Variants in ADAM23 observed in about 807,000 individuals in gnomAD.
ADAM23 encodes the protein ADAM metallopeptidase domain 23.
Under a neutral mutation model 120.1 loss-of-function variants are expected in ADAM23, and 33 were observed. The ratio of observed to expected loss-of-function variants is 0.27; its 90% confidence interval spans 0.21 to 0.37. The LOEUF is 0.37. ADAM23 is among the 10% of genes least tolerant of loss of function. The pLI is 1.00. For missense variants in ADAM23, 862 were observed against 1,058.2 expected (o/e 0.81, Z 2.57); for synonymous variants, 367 against 375.2 (o/e 0.98, Z 0.25).
chr2:206,497,351 C>T (rs1401501439), intron 3 of ADAM23, among the ~76,000 whole-genome samples: 16 of 151,922 alleles, frequency 1.1e-4, no homozygotes, highest in African/African-American at 2.9e-4. Context: ...GTTCAACATA[C>T]GAAAATCAAT....
At chr2:206,474,024 AC>A (rs1408839784) in intron 2 of ADAM23, among the ~76,000 whole-genome samples, 6 of 142,998 alleles carry the variant, frequency 4.2e-5, no homozygotes, top group Admixed American at 1.4e-4. Flanking sequence ...AAAAAAAAAA[AC>A]AAAAAAAAAA....
intron 2 of ADAM23, among the ~76,000 whole-genome samples, chr2:206,467,900 T>A (rs993603190): frequency 6.6e-6 from 1 of 152,176 alleles, no homozygotes; most frequent in Middle Eastern, 3.2e-3. Flanking sequence ...GGCTTAATGC[T>A]ACATGGAAGC....
chr2:206,617,533 G>A (rs1375145622), intron 25 of ADAM23, 46 bp from the exon 26 acceptor site: 1 of 1,562,788 alleles, frequency 6.4e-7, no homozygotes, highest in Non-Finnish European at 8.7e-7. Context: ...TTAATATTGT[G>A]GATTTTCCCC....
rs770422510 is a variant in ADAM23 at position 206,617,678 on chromosome 2, A to C, written c.*51A>C. On this transcript the variant is annotated 3_prime_UTR_variant, in exon 26 of 26. Transcript: ENST00000264377. ...CTTGCACTGTTGGATTCTGGGTATG[A>C]CATACTCGCAGCAGTGTTACTGGAA... 2.5e-6 allele frequency: 4 copies of C among 1,609,130 alleles called. No individual in the cohort carries two copies. In the East Asian group the frequency reaches 9.0e-5, roughly 36 times the overall value.
At chr2:206,596,515 G>A (rs1698529441) in intron 24 of ADAM23, among the ~76,000 whole-genome samples, 1 of 152,010 alleles carries the variant, frequency 6.6e-6, no homozygotes, top group African/African-American at 2.4e-5. Flanking sequence ...AATCTTTTTG[G>A]CTGACATGAG....
chr2:206,469,205 C>G (rs114760277), intron 2 of ADAM23, among the ~76,000 whole-genome samples: 3 of 152,144 alleles, frequency 2.0e-5, no homozygotes, highest in African/African-American at 7.2e-5. Flanking sequence ...TTCACAACTC[C>G]ACTTGGGTAT....
intron 2 of ADAM23, among the ~76,000 whole-genome samples, chr2:206,476,003 CA>C (rs1695766913): frequency 6.6e-6 from 1 of 152,168 alleles, no homozygotes; most frequent in Non-Finnish European, 1.5e-5. Flanking sequence ...AGTGTTTTAA[CA>C]GACATAGAAT....
chr2:206,543,545 T>G (rs1697335633), intron 6 of ADAM23, among the ~76,000 whole-genome samples: 1 of 152,196 alleles, frequency 6.6e-6, no homozygotes, highest in Admixed American at 6.5e-5. Flanking sequence ...AAGCAAATCC[T>G]AGTCCTTCCC....
At position 206,443,772 on chromosome 2, in the gene ADAM23, G is replaced by T. The variant is rs1695009677; in HGVS notation, c.-95G>T. ...CCCTGCCCGCCGCGGCACCATGCGCGCCGAGCCGGCGTGACCGGCTCCGCC... is the reference window on the plus strand; with the variant it reads ...CCCTGCCCGCCGCGGCACCATGCGCTCCGAGCCGGCGTGACCGGCTCCGCC... On this transcript the variant is annotated 5_prime_UTR_variant, in exon 1 of 26. Transcript: ENST00000264377. 1 of 660,424 alleles carries T rather than the reference G, an allele frequency of 1.5e-6. No homozygotes were observed. The highest frequency in any genetic ancestry group is 2.0e-5 in the African/African-American group (1 of 50,004). 40.9% of individuals were successfully genotyped at this position (660,424 alleles called of 1,614,324 possible).
rs774924041 is a variant in ADAM23 at position 206,570,825 on chromosome 2, AC to A, written c.1566+16del. On this transcript the variant is annotated intron_variant, in intron 16 of 25. Coordinates refer to ENST00000264377, the MANE Select transcript of ADAM23 (RefSeq NM_003812.4). ...GGTTTTCATGTGGTAGGTATAAGAA[AC>A]CTTCTATACTTACAGCACAGATCTT... 1 of 1,604,802 alleles carries A rather than the reference AC, an allele frequency of 6.2e-7. No individual in the cohort carries two copies. Among genetic ancestry groups the A allele is most frequent in the Admixed American group, 1.7e-5 (1 of 59,986 alleles).
rs759614751 is a variant in ADAM23, at chr2:206,565,043, G to A, written c.1369G>A (p.Gly457Ser). 6 of 1,613,812 alleles carry A rather than the reference G, an allele frequency of 3.7e-6. No homozygotes were observed. The highest frequency in any genetic ancestry group is 5.1e-6 in the Non-Finnish European group (6 of 1,179,938). Residue 457 changes from glycine (G) to serine (S), a missense_variant, in exon 14 of 26, where the codon GGT becomes AGT. Gly to Ser is a moderately conservative substitution (Grantham distance 56, BLOSUM62 0). Around this residue, in one of 4 missense-constraint regions of ADAM23, gnomAD observed 617 missense variants for 813.5 expected, o/e 0.76. Coordinates refer to ENST00000264377, the MANE Select transcript of ADAM23 (RefSeq NM_003812.4). ...KPKCDCTESW[G>S]GCIMEETGVS... ...AGAATGTGACTGCACAGAATCCTGG[G>A]GTGGCTGCATCATGGAGGAAACAGG...
In ADAM23 at chr2:206,485,574, G is replaced by GAC. The variant is rs576712560; in HGVS notation, c.509+4267_509+4268insCA. 3.7e-3 allele frequency among the ~76,000 whole-genome samples: 569 copies of GAC among 152,376 alleles called. 3 individuals are homozygous for GAC. The highest frequency in any genetic ancestry group is 0.013 in the African/African-American group (545 of 41,580). On this transcript the variant is annotated intron_variant, in intron 3 of 25. Transcript: ENST00000264377. ...GGACTAACCTGACAGGAGTTCCTGA[G>GAC]AGGAGAGCCTGGTTTGCATCTGGCT...
chr2:206,591,353 T>C (rs1389915263), intron 21 of ADAM23, among the ~76,000 whole-genome samples: 1 of 152,208 alleles, frequency 6.6e-6, no homozygotes, highest in African/African-American at 2.4e-5. Flanking sequence ...ACTTTCTTGC[T>C]TTTCTTTAGA....
intron 3 of ADAM23, among the ~76,000 whole-genome samples, chr2:206,491,498 T>C (rs989193934): frequency 3.3e-5 from 5 of 152,210 alleles, no homozygotes; most frequent in African/African-American, 1.2e-4. Flanking sequence ...GGAGACCCTT[T>C]GCGGGTATCC....
chr2:206,532,717 ATCT>A (rs1697091563), intron 4 of ADAM23, among the ~76,000 whole-genome samples: 1 of 152,128 alleles, frequency 6.6e-6, no homozygotes, highest in African/African-American at 2.4e-5. Context: ...ATATTAAGTA[ATCT>A]TCTAAACCTT....
Position 206,617,640 on chromosome 2 carries a change from G to A in ADAM23, c.*13G>A, listed in dbSNP as rs773310587. 1.2e-6 allele frequency: 2 copies of A among 1,613,450 alleles called. No homozygotes were observed. The highest frequency in any genetic ancestry group is 1.7e-6 in the Non-Finnish European group (2 of 1,179,714). On this transcript the variant is annotated 3_prime_UTR_variant, in exon 26 of 26. Transcript: ENST00000264377. Reference sequence around the variant, plus strand: ...AGGCCCCATCTGAATCAGCTGCGCTGGATGGACACCGCCTTGCACTGTTGG... The same window carrying A: ...AGGCCCCATCTGAATCAGCTGCGCTAGATGGACACCGCCTTGCACTGTTGG...
chr2:206,602,708 G>A (rs1698662439), intron 24 of ADAM23, among the ~76,000 whole-genome samples: 2 of 152,270 alleles, frequency 1.3e-5, no homozygotes, highest in Middle Eastern at 3.4e-3. Flanking sequence ...TTTTCAAAAT[G>A]TCTGAAGCAT....
chr2:206,490,812 G>A (rs958491681), intron 3 of ADAM23, among the ~76,000 whole-genome samples: 2 of 151,888 alleles, frequency 1.3e-5, no homozygotes, highest in African/African-American at 4.8e-5. Context: ...AGACATTTCT[G>A]GTCTGAGTCA....
chr2:206,596,755 A>G (rs926190987), intron 24 of ADAM23, among the ~76,000 whole-genome samples: 3 of 152,034 alleles, frequency 2.0e-5, no homozygotes, highest in Non-Finnish European at 2.9e-5. Context: ...ACCACTCTCT[A>G]TTTTCGCAGA....
Sources: gnomAD v4.1 joint callset for allele counts (sites outside exome capture counted in the v4.1 genomes callset) on GRCh38, gnomAD v4.1.1 for gene constraint, gnomAD v4.1.1 regional missense constraint, MANE v1.5 for transcripts, NCBI Gene and HGNC (gene_info 2026-07-23, HGNC 2026-07-21) for gene names.